GREP1: variants seen among roughly 807,000 people sequenced by gnomAD.
The protein encoded by GREP1 is glycine-rich extracellular protein 1.
chr16:3,000,484 G>A (rs2072454800), intron 31 of GREP1: 3 of 399,246 alleles, frequency 7.5e-6, no homozygotes, highest in Non-Finnish European at 1.3e-5. Context: ...AGACCCAGGG[G>A]ACAAAGTGCA....
exon 35 of GREP1, chr16:3,001,871 GC>G (rs774981851): frequency 3.2e-4 from 120 of 374,984 alleles, no homozygotes; most frequent in Non-Finnish European, 5.0e-4. Context: ...CTCGATCAAC[GC>G]CTGCCCTCAG....
At chr16:2,998,311 C>T (rs1393158583) in intron 23 of GREP1, 45 bp from the exon 22 acceptor site, 3 of 398,960 alleles carry the variant, frequency 7.5e-6, no homozygotes, top group South Asian at 1.3e-4. Flanking sequence ...CTACACTCCT[C>T]GGGTGGGCTG....
chr16:2,990,928 C>T (rs1012944239), intron 7 of GREP1, 120 bp from the exon 7 acceptor site: 32 of 398,664 alleles, frequency 8.0e-5, no homozygotes, highest in Admixed American at 1.3e-4. Context: ...TGAGAAGCCC[C>T]AGAAGCCAGA....
rs1596461660 is a variant in GREP1 at position 2,992,734 on chromosome 16, G to A, written c.323-71G>A. On this transcript the variant is annotated intron_variant, in intron 8 of 34. Coordinates refer to ENST00000573315, the Ensembl canonical transcript of GREP1. This position sits in a 1 kb window ranked among gnomAD's most constrained non-coding sequence, Gnocchi z 4.9. ...GGGTCACGCGAGACAGAAAGGGAGA[G>A]GGCAGGGCTCCAGGCCCCAGCTCAT... 1 of 398,722 alleles carries A rather than the reference G, an allele frequency of 2.5e-6. No homozygotes were observed. Among genetic ancestry groups the A allele is most frequent in the East Asian group, 3.6e-5 (1 of 28,050 alleles). 24.7% of individuals were successfully genotyped at this position (398,722 alleles called of 1,614,324 possible).
At chr16:2,997,669 C>T (rs901187896) in intron 22 of GREP1, 134 bp from the exon 21 acceptor site, 6 of 397,954 alleles carry the variant, frequency 1.5e-5, no homozygotes, top group Non-Finnish European at 2.7e-5. Flanking sequence ...CCCACAGACC[C>T]TGCAGTTCCC....
In GREP1 at chr16:2,992,816, C is replaced by G. The variant is rs1047649523; in HGVS notation, c.334C>G (p.Gln112Glu). 5.0e-6 allele frequency: 2 copies of G among 399,132 alleles called. No individual in the cohort carries two copies. Among genetic ancestry groups the G allele is most frequent in the Non-Finnish European group, 8.8e-6 (2 of 226,118 alleles). 24.7% of individuals were successfully genotyped at this position (399,132 alleles called of 1,614,324 possible). The stretch of plus-strand genomic sequence containing the variant: ...CTGCCCTCAAACAGGTCCTGCCGCT[C>G]AAAATGGCTTTGGACCAGGTAAAGA... The change falls in exon 9 of 35, where the codon CAA becomes GAA. Residue 112 changes from glutamine (Q) to glutamate (E), a missense_variant. Physicochemically the swap from Gln to Glu is conservative, Grantham distance 29. Transcript: ENST00000573315. The surrounding 1 kb of genome is among the most constrained non-coding windows in gnomAD (Gnocchi z 4.9).
intron 23 of GREP1, among the ~76,000 whole-genome samples, 195 bp downstream of exon 21, chr16:2,998,030 C>CTGGAGCAGAGGGG (rs1400691365): frequency 7.7e-6 from 1 of 129,694 alleles, no homozygotes; most frequent in Non-Finnish European, 1.6e-5. Context: ...GGACAGGCTC[C>CTGGAGCAGAGGGG]AACGGACAGA....
Position 2,992,628 on chromosome 16 carries a change from C to T in GREP1, c.323-177C>T, listed in dbSNP as rs2072404867. ...GTCAAGGGTGGCCACGGTCTGGACTCCCGGGCCAAGAACCAAATCCAACTT... is the reference window on the plus strand; with the variant it reads ...GTCAAGGGTGGCCACGGTCTGGACTTCCGGGCCAAGAACCAAATCCAACTT... On this transcript the variant is annotated intron_variant, in intron 8 of 34. Transcript: ENST00000573315. The surrounding 1 kb of genome is among the most constrained non-coding windows in gnomAD (Gnocchi z 4.9). 2.5e-6 allele frequency: 1 copy of T among 394,148 alleles called. No homozygotes were observed. The highest frequency in any genetic ancestry group is 3.6e-5 in the East Asian group (1 of 27,782). 24.4% of individuals were successfully genotyped at this position (394,148 alleles called of 1,614,324 possible). A position where few individuals can be genotyped will look rare whatever the true frequency, so the allele number is the denominator to read the frequency against.
rs1342831846 is a variant in GREP1, at chr16:3,000,696, C to T, written c.1418-18C>T. On this transcript the variant is annotated intron_variant, in intron 32 of 34. Coordinates refer to ENST00000573315, the Ensembl canonical transcript of GREP1. ...CTCCTGTGGGCAAGGGTACCCCTGC[C>T]AGCTCTCCTCCCCACAGGGCAGGCC... 1 of 398,834 alleles carries T rather than the reference C, an allele frequency of 2.5e-6. No homozygotes were observed. Among genetic ancestry groups the T allele is most frequent in the Non-Finnish European group, 4.4e-6 (1 of 226,092 alleles). 24.7% of individuals were successfully genotyped at this position (398,834 alleles called of 1,614,324 possible).
chr16:2,996,417 G>A lies in GREP1; in HGVS notation c.677-79G>A, dbSNP rs148266383. ...CCCCCTCCCAGGGCCCTGGGCCCCC[G>A]CCCTGTCTCTAGGGCTGCGTCCTCC... On this transcript the variant is annotated intron_variant, in intron 18 of 34. Transcript: ENST00000573315. 1,293 of 398,574 alleles carry A rather than the reference G, an allele frequency of 3.2e-3. 19 individuals carry two copies. The highest frequency in any genetic ancestry group is 0.022 in the African/African-American group (1,076 of 48,676). The allele number at this position is 398,574 out of a possible 1,614,324, so 24.7% of individuals were successfully genotyped here.
chr16:2,995,757 A>T (rs1195696454), exon 17 of GREP1: 4 of 398,694 alleles, frequency 1.0e-5, no homozygotes, highest in East Asian at 7.1e-5. Context: ...GGGAATGTGA[A>T]GCCTCTGAAG....
exon 35 of GREP1, chr16:3,001,859 G>C (rs1596463976): frequency 5.2e-6 from 2 of 383,556 alleles, no homozygotes; most frequent in Non-Finnish European, 9.2e-6. Flanking sequence ...GAAGAAAACA[G>C]ACTCGATCAA....
chr16:2,988,324 T>A (rs910848489), exon 1 of GREP1: 1 of 399,256 alleles, frequency 2.5e-6, no homozygotes, highest in Admixed American at 4.4e-5. Context: ...TCTGCCTGAC[T>A]TCCGAGAGCC....
chr16:2,995,505 T>TG (rs1267191022), intron 15 of GREP1, 114 bp from the exon 16 acceptor site: 10 of 398,668 alleles, frequency 2.5e-5, no homozygotes, highest in Non-Finnish European at 4.4e-5. Flanking sequence ...CCCAGTCTCA[T>TG]GGGGGGCTGA....
At chr16:3,000,655 G>A in intron 32 of GREP1, 59 bp from the exon 27 acceptor site, 1 of 398,856 alleles carries the variant, frequency 2.5e-6, no homozygotes, top group Non-Finnish European at 4.4e-6. Flanking sequence ...AGCCCAACAG[G>A]GGCCAGGGGT....
exon 35 of GREP1, chr16:3,001,596 T>G (rs945727626): frequency 2.5e-6 from 1 of 399,112 alleles, no homozygotes; most frequent in Non-Finnish European, 4.4e-6. Context: ...AGCACTGCAA[T>G]GCCCCTCGCC....
intron 34 of GREP1, 98 bp downstream of exon 28, chr16:3,001,432 G>A (rs1384155372): frequency 2.5e-6 from 1 of 398,988 alleles, no homozygotes; most frequent in East Asian, 3.6e-5. Flanking sequence ...GGGAAGGATA[G>A]CAGGTTCTGC....
chr16:2,991,886 C>G lies in GREP1; in HGVS notation c.322+785C>G, dbSNP rs2072401180. 6.6e-6 allele frequency: 1 copy of G among 152,532 alleles called. No individual in the cohort carries two copies. Among genetic ancestry groups the G allele is most frequent in the Non-Finnish European group, 1.5e-5 (1 of 68,280 alleles). The allele number at this position is 152,532 out of a possible 1,614,324, so 9.4% of individuals were successfully genotyped here. Reference sequence around the variant, plus strand: ...CCTCCCTCACCCCACAGGCCCAAAACCAGGTCAGGGAGGGTAGGGTGTTGC... The same window carrying G: ...CCTCCCTCACCCCACAGGCCCAAAAGCAGGTCAGGGAGGGTAGGGTGTTGC... On this transcript the variant is annotated intron_variant, in intron 8 of 34. Transcript: ENST00000573315. The surrounding 1 kb of genome is among the most constrained non-coding windows in gnomAD (Gnocchi z 4.9).
rs530497082 is a variant in GREP1, at chr16:2,989,796, G to A, written c.131-178G>A. ...AAGGAAAGAGAGCAGAAAGGAAGGAGAGAGGGAAGGAGGGAGGGAAGGAGG... is the reference window on the plus strand; with the variant it reads ...AAGGAAAGAGAGCAGAAAGGAAGGAAAGAGGGAAGGAGGGAGGGAAGGAGG... On this transcript the variant is annotated intron_variant, in intron 3 of 34. Coordinates refer to ENST00000573315, the Ensembl canonical transcript of GREP1. This position sits in a 1 kb window ranked among gnomAD's most constrained non-coding sequence, Gnocchi z 4.2. Among the ~76,000 whole-genome samples the A allele has an allele frequency of 6.6e-6, 1 of 152,060 alleles. No homozygotes were observed. The highest frequency in any genetic ancestry group is 2.1e-4 in the South Asian group (1 of 4,822).
Sources: allele counts gnomAD v4.1 joint callset (sites outside exome capture counted in the v4.1 genomes callset), GRCh38; gene constraint gnomAD v4.1.1; non-coding constraint Gnocchi (gnomAD v3.1); transcripts MANE v1.5; gene names NCBI Gene and HGNC (gene_info 2026-07-23, HGNC 2026-07-21).